Variants in TENM4 observed in about 807,000 individuals in gnomAD.
The protein encoded by TENM4 is teneurin transmembrane protein 4.
Under a neutral mutation model 243.3 loss-of-function variants are expected in TENM4, and 82 were observed. The observed-to-expected ratio is 0.34, with a 90% CI of 0.28 to 0.40. The LOEUF (loss-of-function observed/expected upper bound fraction) is 0.40. TENM4 is among the 10% of genes least tolerant of loss of function. TENM4 has a pLI of 1.00. For missense variants in TENM4, 3,138 were observed against 3,673.3 expected, an observed-to-expected ratio of 0.85 and a Z score of 3.77; for synonymous variants, 1,412 against 1,456.3, an observed-to-expected ratio of 0.97 and a Z score of 0.69.
intron 4 of TENM4, among the ~76,000 whole-genome samples, chr11:79,075,036 C>T (rs549349526): frequency 2.0e-5 from 3 of 152,304 alleles, no homozygotes; most frequent in East Asian, 3.9e-4. Flanking sequence ...GGATCCTGAC[C>T]AATGATACAG....
At chr11:78,822,072 A>G (rs190413231) in intron 12 of TENM4, among the ~76,000 whole-genome samples, 2 of 152,322 alleles carry the variant, frequency 1.3e-5, no homozygotes, top group South Asian at 2.1e-4. Flanking sequence ...GTGATCTACA[A>G]AGTCATATAT....
At chr11:78,837,565 C>T (rs895493349) in intron 12 of TENM4, among the ~76,000 whole-genome samples, 1 of 152,194 alleles carries the variant, frequency 6.6e-6, no homozygotes, top group African/African-American at 2.4e-5. Flanking sequence ...TTCTCCTGAC[C>T]ATACCCTGTA....
chr11:78,873,938 A>T (rs551933512), intron 9 of TENM4, among the ~76,000 whole-genome samples: 44 of 151,936 alleles, frequency 2.9e-4, no homozygotes, highest in Admixed American at 2.9e-3. Context: ...TTAAGAAAAA[A>T]TTCCCCCATC....
intron 19 of TENM4, among the ~76,000 whole-genome samples, chr11:78,753,397 A>G (rs993315620): frequency 6.6e-6 from 1 of 152,240 alleles, no homozygotes; most frequent in Non-Finnish European, 1.5e-5. Flanking sequence ...GGCACTTGCT[A>G]TTATACCAAA....
chr11:79,181,013 G>A (rs1032033416), intron 3 of TENM4, among the ~76,000 whole-genome samples: 23 of 145,534 alleles, frequency 1.6e-4, no homozygotes, highest in African/African-American at 5.4e-4. Context: ...TACCAAACAC[G>A]TATGGAAGAA....
At chr11:79,159,852 C>G (rs1265484140) in intron 3 of TENM4, among the ~76,000 whole-genome samples, 1 of 152,192 alleles carries the variant, frequency 6.6e-6, no homozygotes, top group Non-Finnish European at 1.5e-5. Context: ...CTTCCACCAC[C>G]TGCTGGCCAA....
At chr11:79,089,517 G>A (rs1168088222) in intron 4 of TENM4, among the ~76,000 whole-genome samples, 4 of 152,146 alleles carry the variant, frequency 2.6e-5, no homozygotes, top group Non-Finnish European at 5.9e-5. Context: ...GAAGTGCCCA[G>A]TCCTTACCTG....
chr11:78,982,754 C>T (rs1857829723), intron 6 of TENM4, among the ~76,000 whole-genome samples: 1 of 152,228 alleles, frequency 6.6e-6, no homozygotes, highest in African/African-American at 2.4e-5. Context: ...AAATTATTTC[C>T]TGATGCCCAG....
At chr11:78,687,997 C>A (rs577435564) in intron 29 of TENM4, 57 bp downstream of exon 29, 160 of 1,574,942 alleles carry the variant, frequency 1.0e-4, no homozygotes, top group Non-Finnish European at 1.3e-4. Flanking sequence ...CCATCCTCCT[C>A]CAAAGGGGTC....
intron 12 of TENM4, among the ~76,000 whole-genome samples, chr11:78,819,388 C>T (rs185447176): frequency 7.7e-4 from 117 of 152,282 alleles, no homozygotes; most frequent in African/African-American, 2.8e-3. Context: ...TTTCTAAAAT[C>T]CTGAAGCCTC....
At chr11:79,092,751 G>A (rs1315575557) in intron 4 of TENM4, 1 of 152,192 alleles carries the variant, frequency 6.6e-6, no homozygotes, top group Non-Finnish European at 1.5e-5. Flanking sequence ...AGGCCACAGA[G>A]GCAGATGTTT....
At chr11:79,039,189 C>G (rs1565177887) in intron 6 of TENM4, among the ~76,000 whole-genome samples, 2 of 152,050 alleles carry the variant, frequency 1.3e-5, no homozygotes, top group East Asian at 3.9e-4. Context: ...GGTGAAGAAA[C>G]AACCCTTAAG....
intron 6 of TENM4, among the ~76,000 whole-genome samples, chr11:79,013,281 C>T (rs1858695526): frequency 6.6e-6 from 1 of 152,230 alleles, no homozygotes; most frequent in African/African-American, 2.4e-5. Context: ...GCAACGTCTT[C>T]TCAGGCTCTT....
chr11:79,280,817 G>A (rs1338269489), intron 2 of TENM4, among the ~76,000 whole-genome samples: 1 of 152,206 alleles, frequency 6.6e-6, no homozygotes, highest in Non-Finnish European at 1.5e-5. Flanking sequence ...CAGCCAGGCT[G>A]GGTTAGTGGG....
At chr11:78,876,752 C>T (rs1859277102) in intron 9 of TENM4, among the ~76,000 whole-genome samples, 1 of 152,222 alleles carries the variant, frequency 6.6e-6, no homozygotes, top group South Asian at 2.1e-4. Context: ...CTCCTCACAG[C>T]CTGGGACACA....
chr11:78,862,170 T>C (rs922226314), intron 10 of TENM4, among the ~76,000 whole-genome samples: 6 of 152,078 alleles, frequency 3.9e-5, no homozygotes, highest in Non-Finnish European at 7.4e-5. Flanking sequence ...CTTGTAACCT[T>C]GGGGTAAGTC....
intron 1 of TENM4, among the ~76,000 whole-genome samples, chr11:79,324,666 A>T (rs562428341): frequency 1.3e-5 from 2 of 152,306 alleles, no homozygotes; most frequent in African/African-American, 4.8e-5. Context: ...ATATGTGTAT[A>T]TATATGTAGA....
rs544941834 is a variant in TENM4, at chr11:79,064,915, C to A, written c.316G>T (p.Gly106Cys). The change falls in exon 6 of 34, where the codon GGC becomes TGC. Residue 106 changes from glycine to cysteine, a missense_variant. Around this residue, in one of 2 missense-constraint regions of TENM4, gnomAD observed 671 missense variants for 614.1 expected, o/e 1.09. Transcript: ENST00000278550. ...TCAGAGCCAGCCCCCATGGAGTAGC[C>A]GCAGTGGGGGAGGCCAATGTCTGTC... Reference protein sequence around the residue: ...YRTDIGLPHCGYSMGAGSDAD... With the variant: ...YRTDIGLPHCCYSMGAGSDAD... 9.1e-6 allele frequency: 14 copies of A among 1,542,910 alleles called. No homozygotes were observed. Among genetic ancestry groups the A allele is most frequent in the Middle Eastern group, 1.7e-4 (1 of 5,974 alleles).
intron 3 of TENM4, among the ~76,000 whole-genome samples, chr11:79,209,301 G>T: frequency 6.6e-6 from 1 of 152,166 alleles, no homozygotes; most frequent in East Asian, 1.9e-4. Flanking sequence ...CAACCCGGCC[G>T]GCCTTGGGAA....
Sources: gnomAD v4.1 joint callset for allele counts (sites outside exome capture counted in the v4.1 genomes callset) on GRCh38, gnomAD v4.1.1 for gene constraint, gnomAD v4.1.1 regional missense constraint, MANE v1.5 for transcripts, NCBI Gene and HGNC (gene_info 2026-07-23, HGNC 2026-07-21) for gene names.